The following SRGAP3 variants were observed in gnomAD, a reference collection of about 807,000 sequenced individuals.
SRGAP3 encodes the protein SLIT-ROBO Rho GTPase-activating protein 3.
A neutral mutation model predicts 121.1 loss-of-function variants in SRGAP3; 39 were observed. The observed-to-expected ratio is 0.32, with a 90% CI of 0.25 to 0.42. SRGAP3 has a LOEUF of 0.42. Ranked by LOEUF, SRGAP3 falls within the 10% of genes least tolerant of loss-of-function variation. SRGAP3 has a pLI of 1.00. For synonymous variants in SRGAP3, 601 were observed against 570.0 expected (o/e 1.05, Z -0.77); for missense variants, 1,213 against 1,470.6 (o/e 0.82, Z 2.86).
chr3:9,055,611 T>C (rs766323758), intron 8 of SRGAP3, among the ~76,000 whole-genome samples: 12 of 152,212 alleles, frequency 7.9e-5, no homozygotes, highest in Non-Finnish European at 1.6e-4. Context: ...TCAGAATCCA[T>C]GACAAATTTA....
rs187548197 is a variant in SRGAP3 at position 9,208,346 on chromosome 3, T to C, written c.67+40539A>G. ...CCACTTTGACTTTGGAGCTGGAGCC[T>C]GAAACCCCTCTCTTCTCCCACTGCC... On this transcript the variant is annotated intron_variant, in intron 1 of 21. Coordinates refer to ENST00000383836, the MANE Select transcript of SRGAP3 (RefSeq NM_014850.4). 1.1e-3 allele frequency among the ~76,000 whole-genome samples: 165 copies of C among 152,298 alleles called. 1 individual carries two copies. In the East Asian group the frequency reaches 0.018, roughly 16 times the overall value.
intron 2 of SRGAP3, among the ~76,000 whole-genome samples, chr3:9,120,025 T>G (rs1337511046): frequency 6.6e-6 from 1 of 152,262 alleles, no homozygotes; most frequent in Non-Finnish European, 1.5e-5. Flanking sequence ...ACGGGAGAGA[T>G]AATCAGAATA....
At chr3:9,296,565 C>T (rs1231676827) in intron 3 of SRGAP3, among the ~76,000 whole-genome samples, 1 of 152,156 alleles carries the variant, frequency 6.6e-6, no homozygotes, top group African/African-American at 2.4e-5. Flanking sequence ...CACTGGGTCC[C>T]CAGAGGCAGT....
At chr3:9,097,513 T>C (rs1575069784) in intron 3 of SRGAP3, among the ~76,000 whole-genome samples, 1 of 152,194 alleles carries the variant, frequency 6.6e-6, no homozygotes, top group Admixed American at 6.5e-5. Context: ...GCCACTGCAC[T>C]AGACTACCCA....
intron 4 of SRGAP3, among the ~76,000 whole-genome samples, chr3:9,077,975 G>A (rs115614442): frequency 6.6e-6 from 1 of 152,186 alleles, no homozygotes; most frequent in Non-Finnish European, 1.5e-5. Context: ...GACTCCCAGG[G>A]AGTTTATACT....
intron 18 of SRGAP3, among the ~76,000 whole-genome samples, chr3:9,005,424 G>C (rs1266920278): frequency 6.6e-6 from 1 of 152,030 alleles, no homozygotes; most frequent in African/African-American, 2.4e-5. Flanking sequence ...TCCACTCCTG[G>C]GTATATACTC....
At chr3:9,345,543 G>A (rs1179510797) in intron 1 of SRGAP3, among the ~76,000 whole-genome samples, 4 of 151,280 alleles carry the variant, frequency 2.6e-5, no homozygotes, top group African/African-American at 9.7e-5. Flanking sequence ...AGCACTTTGG[G>A]AGGCCGAGGA....
At chr3:9,353,842 G>A (rs901229973) in intron 1 of SRGAP3, among the ~76,000 whole-genome samples, 1 of 152,170 alleles carries the variant, frequency 6.6e-6, no homozygotes, top group Non-Finnish European at 1.5e-5. Flanking sequence ...ATGAAAAGCA[G>A]GTGTAGGGGC....
intron 1 of SRGAP3, among the ~76,000 whole-genome samples, chr3:9,345,785 C>CAAAAAAAAAAAAA (rs34225108): frequency 4.9e-4 from 32 of 65,056 alleles, no homozygotes; most frequent in African/African-American, 7.0e-4. Flanking sequence ...GACTCCAACT[C>CAAAAAAAAAAAAA]AAAAAAAAAA....
chr3:9,017,284 A>G (rs1456545002), intron 14 of SRGAP3, among the ~76,000 whole-genome samples: 2 of 152,096 alleles, frequency 1.3e-5, no homozygotes, highest in Non-Finnish European at 2.9e-5. Context: ...TAAGGTTTTC[A>G]TTACCTTCAC....
intron 2 of SRGAP3, among the ~76,000 whole-genome samples, chr3:9,123,730 ATATGTGTGTG>A (rs1469507347): frequency 0.014 from 1,590 of 110,226 alleles, 23 homozygotes; most frequent in African/African-American, 0.068. Context: ...ATATATGTAT[ATATGTGTGTG>A]TGTGTGTGTG....
At chr3:9,343,520 A>G (rs1305131948) in intron 1 of SRGAP3, among the ~76,000 whole-genome samples, 1 of 152,178 alleles carries the variant, frequency 6.6e-6, no homozygotes, top group African/African-American at 2.4e-5. Flanking sequence ...TAGAAGTCAT[A>G]TATGTTTATT....
intron 15 of SRGAP3, 46 bp from the exon 16 acceptor site, chr3:9,013,888 G>A: frequency 6.3e-7 from 1 of 1,579,238 alleles, no homozygotes; most frequent in Non-Finnish European, 8.7e-7. Flanking sequence ...TCCTCAGAGA[G>A]CAAAGCAACA....
chr3:8,993,114 A>G, intron 19 of SRGAP3, 59 bp from the exon 20 acceptor site: 1 of 1,607,842 alleles, frequency 6.2e-7, no homozygotes, highest in Non-Finnish European at 8.5e-7. Context: ...CAGCATATAC[A>G]GAGCTCCCTG....
upstream of SRGAP3, among the ~76,000 whole-genome samples, chr3:9,252,949 C>T (rs1320976128): frequency 6.6e-6 from 1 of 152,202 alleles, no homozygotes; most frequent in Non-Finnish European, 1.5e-5. Flanking sequence ...ATTCCATTTC[C>T]TTGGGGCTCA....
At chr3:9,227,468 C>T (rs1953031722) in intron 1 of SRGAP3, among the ~76,000 whole-genome samples, 1 of 152,094 alleles carries the variant, frequency 6.6e-6, no homozygotes, top group Admixed American at 6.5e-5. Context: ...CCAATGGGTG[C>T]CCATTTGAAA....
At chr3:9,324,329 G>C (rs533887052) in intron 3 of SRGAP3, among the ~76,000 whole-genome samples, 1 of 151,912 alleles carries the variant, frequency 6.6e-6, no homozygotes, top group East Asian at 1.9e-4. Flanking sequence ...TCTCAATTTT[G>C]AGAGATTGAC....
At chr3:9,236,588 C>CG (rs1491473432) in intron 1 of SRGAP3, among the ~76,000 whole-genome samples, 7 of 151,894 alleles carry the variant, frequency 4.6e-5, no homozygotes, top group African/African-American at 1.5e-4. Flanking sequence ...TTCCCCCCCC[C>CG]TCTTCTTCCT....
At chr3:9,171,718 C>T (rs907914859) in intron 1 of SRGAP3, among the ~76,000 whole-genome samples, 17 of 152,188 alleles carry the variant, frequency 1.1e-4, no homozygotes, top group African/African-American at 2.4e-4. Context: ...AGCTAAAGTA[C>T]ACCAACCCAT....
Sources: gnomAD v4.1 joint callset for allele counts (sites outside exome capture counted in the v4.1 genomes callset) on GRCh38, gnomAD v4.1.1 for gene constraint, MANE v1.5 for transcripts, NCBI Gene and HGNC (gene_info 2026-07-23, HGNC 2026-07-21) for gene names.